Variants in SYNE2 observed in about 807,000 individuals in gnomAD.
The protein encoded by SYNE2 is spectrin repeat containing nuclear envelope protein 2, also known as nesprin-2.
SYNE2 carries 431 observed loss-of-function variants against 856.3 expected under a neutral mutation model. That is an observed-to-expected ratio of 0.50 (90% CI 0.47 to 0.55). SYNE2 has a LOEUF of 0.55. SYNE2 is among the 20% of genes least tolerant of loss of function. SYNE2 has a pLI of 0.00. For synonymous variants in SYNE2, 2,923 were observed against 2,872.3 expected, an observed-to-expected ratio of 1.02 and a Z score of -0.56; for missense variants, 8,129 against 8,023.2, an observed-to-expected ratio of 1.01 and a Z score of -0.50.
chr14:64,145,111 G>A (rs919302614), intron 83 of SYNE2, among the ~76,000 whole-genome samples: 1 of 151,692 alleles, frequency 6.6e-6, no homozygotes, highest in East Asian at 2.0e-4. Flanking sequence ...ATTTTTAGTA[G>A]AGTCAGGGTT....
chr14:64,224,390 G>C, intron 113 of SYNE2, 71 bp from the exon 114 acceptor site: 1 of 1,198,422 alleles, frequency 8.3e-7, no homozygotes, highest in Non-Finnish European at 1.2e-6. Context: ...AGGTAGGGGA[G>C]GGTGAGCTAT....
At chr14:63,842,675 G>T (rs1161647407) in intron 1 of SYNE2, among the ~76,000 whole-genome samples, 2 of 151,966 alleles carry the variant, frequency 1.3e-5, no homozygotes, top group African/African-American at 4.8e-5. Flanking sequence ...GGCCAGGCTG[G>T]TCTGGAACTC....
chr14:63,912,364 C>G (rs1270067771), intron 2 of SYNE2, among the ~76,000 whole-genome samples: 1 of 151,970 alleles, frequency 6.6e-6, no homozygotes, highest in East Asian at 1.9e-4. Flanking sequence ...AAAAGATGGA[C>G]AATATTATCT....
At position 64,151,506 on chromosome 14, in the gene SYNE2, A is replaced by G. The variant is rs1456054553; in HGVS notation, c.15640-1058A>G. On this transcript the variant is annotated intron_variant, in intron 84 of 115. Transcript: ENST00000555002. The stretch of plus-strand genomic sequence containing the variant: ...AAAGCTGGGATCCTTAGGCAAAGCA[A>G]TTTTCAAAAAAAAAAAAAAAAGGCT... Among the ~76,000 whole-genome samples, 3 of 97,230 alleles carry G rather than the reference A, an allele frequency of 3.1e-5. No homozygotes were observed. The East Asian group carries it at 1.1e-3, about 35-fold the overall frequency. 63.8% of individuals were successfully genotyped at this position (97,230 alleles called of 152,430 possible).
At chr14:64,026,858 CA>C in intron 42 of SYNE2, 128 bp downstream of exon 42, 1 of 1,114,744 alleles carries the variant, frequency 9.0e-7, no homozygotes, top group Non-Finnish European at 1.3e-6. Flanking sequence ...ATGTCAGGGA[CA>C]TCCACAGTGT....
At chr14:64,124,940 T>G (rs1595689324) in intron 70 of SYNE2, 139 bp from the exon 71 acceptor site, 1 of 1,024,716 alleles carries the variant, frequency 9.8e-7, no homozygotes, top group East Asian at 2.7e-5. Context: ...GAGACAGAGG[T>G]TTCAGTGAGA....
At chr14:63,768,178 A>T (rs1360607856) in intron 1 of SYNE2, among the ~76,000 whole-genome samples, 3 of 152,000 alleles carry the variant, frequency 2.0e-5, no homozygotes, top group African/African-American at 7.2e-5. Flanking sequence ...TGATGAAGTG[A>T]GACCATGTCT....
At position 64,021,963 on chromosome 14, in the gene SYNE2, G is replaced by A. The variant is rs749330363; in HGVS notation, c.5459G>A (p.Ser1820Asn). The A allele has an allele frequency of 6.2e-7, 1 of 1,613,820 alleles. No individual in the cohort carries two copies. The highest frequency in any genetic ancestry group is 8.5e-7 in the Non-Finnish European group (1 of 1,179,850). The change falls in exon 37 of 116, where the codon AGT becomes AAT. Residue 1820 changes from serine (S) to asparagine (N), a missense_variant. Transcript: ENST00000555002. The part of the protein sequence containing the change: ...ELSELKKQYE[S>N]VSDLFNTKKS... ...TCTGAATTGAAAAAGCAATATGAAAGTGTCAGTGATTTATTTAATACCAAA... is the reference window on the plus strand; with the variant it reads ...TCTGAATTGAAAAAGCAATATGAAAATGTCAGTGATTTATTTAATACCAAA...
intron 1 of SYNE2, among the ~76,000 whole-genome samples, chr14:63,856,161 G>C (rs1891677481): frequency 6.6e-6 from 1 of 152,278 alleles, no homozygotes; most frequent in Admixed American, 6.5e-5. Context: ...GTTAAGGGAG[G>C]GTAGGACTAA....
At chr14:63,876,364 G>T (rs529762279) in intron 1 of SYNE2, among the ~76,000 whole-genome samples, 5 of 151,836 alleles carry the variant, frequency 3.3e-5, no homozygotes, top group African/African-American at 1.2e-4. Flanking sequence ...TGATCATACT[G>T]CTAAACTCCA....
At chr14:63,956,569 A>G in intron 8 of SYNE2, 2 of 406,046 alleles carry the variant, frequency 4.9e-6, no homozygotes, top group South Asian at 3.6e-5. Flanking sequence ...TTAAGAGATA[A>G]TTCACATACC....
intron 2 of SYNE2, among the ~76,000 whole-genome samples, chr14:63,924,441 C>T (rs1253765528): frequency 6.6e-6 from 1 of 151,988 alleles, no homozygotes; most frequent in Non-Finnish European, 1.5e-5. Context: ...GTCTGTAGAT[C>T]AAGTTGGAAA....
intron 99 of SYNE2, among the ~76,000 whole-genome samples, chr14:64,199,713 C>CAAAA (rs34710996): frequency 7.6e-5 from 5 of 66,052 alleles, no homozygotes; most frequent in Non-Finnish European, 1.2e-4. Context: ...GACTCTGTCT[C>CAAAA]AAAAAAAAAA....
intron 100 of SYNE2, 67 bp from the exon 101 acceptor site, chr14:64,208,691 C>T (rs1226574285): frequency 6.5e-7 from 1 of 1,541,194 alleles, no homozygotes; most frequent in Non-Finnish European, 9.0e-7. Flanking sequence ...GAACGGAGGT[C>T]CTTTGATGCT....
chr14:64,193,100 CA>C (rs1415917848), intron 99 of SYNE2, among the ~76,000 whole-genome samples: 4 of 152,208 alleles, frequency 2.6e-5, no homozygotes, highest in Non-Finnish European at 5.9e-5. Context: ...GCACAGGCTG[CA>C]AACTTTACAT....
chr14:64,139,035 G>C (rs1001097646), intron 79 of SYNE2, among the ~76,000 whole-genome samples: 5 of 151,814 alleles, frequency 3.3e-5, no homozygotes, highest in African/African-American at 1.2e-4. Context: ...CCAGGCTGGA[G>C]TGCAGTGGCG....
chr14:64,056,332 T>TTAAA, intron 49 of SYNE2, 66 bp downstream of exon 49: 1 of 1,395,124 alleles, frequency 7.2e-7, no homozygotes, highest in Non-Finnish European at 9.8e-7. Context: ...AATTAAACTA[T>TTAAA]ATTTTAATAG....
chr14:64,075,738 T>A, intron 53 of SYNE2: 1 of 550,128 alleles, frequency 1.8e-6, no homozygotes, highest in Non-Finnish European at 3.3e-6. Flanking sequence ...TGAAGAGATA[T>A]CAAGTTTAAT....
At chr14:63,884,539 T>A (rs2094937765) in intron 1 of SYNE2, among the ~76,000 whole-genome samples, 1 of 152,082 alleles carries the variant, frequency 6.6e-6, no homozygotes, top group Non-Finnish European at 1.5e-5. Flanking sequence ...ACTGAGATTG[T>A]GGCACGGGGT....
Sources: gnomAD v4.1 joint callset for allele counts (sites outside exome capture counted in the v4.1 genomes callset) on GRCh38, gnomAD v4.1.1 for gene constraint, MANE v1.5 for transcripts, NCBI Gene and HGNC (gene_info 2026-07-23, HGNC 2026-07-21) for gene names.